ZMYM1: variants seen among roughly 807,000 people sequenced by gnomAD.
The protein encoded by ZMYM1 is zinc finger MYM-type containing 1, also known as zinc finger MYM-type protein 1.
Under a neutral mutation model 60.0 loss-of-function variants are expected in ZMYM1, and 39 were observed. The ratio of observed to expected loss-of-function variants is 0.65; its 90% CI spans 0.50 to 0.85. The LOEUF (loss-of-function observed/expected upper bound fraction) is 0.85, where lower values mean the gene tolerates loss of function less well. Ranked by LOEUF, ZMYM1 falls within the 40% of genes least tolerant of loss-of-function variation. ZMYM1 has a pLI of 0.00. For missense variants in ZMYM1, 1,171 were observed against 1,309.5 expected, an observed-to-expected ratio of 0.89 and a Z score of 1.63; for synonymous variants, 413 against 454.0, an observed-to-expected ratio of 0.91 and a Z score of 1.15.
chr1:35,088,454 A>ATGTGTGTGTG (rs764350525), intron 1 of ZMYM1, among the ~76,000 whole-genome samples: 2 of 107,282 alleles, frequency 1.9e-5, no homozygotes, highest in African/African-American at 8.5e-5. Flanking sequence ...ATATATATAT[A>ATGTGTGTGTG]TGTGTGTGTG....
chr1:35,090,790 T>C (rs1211986356), intron 1 of ZMYM1, among the ~76,000 whole-genome samples: 1 of 151,876 alleles, frequency 6.6e-6, no homozygotes, highest in Non-Finnish European at 1.5e-5. Context: ...CTACTAAAAA[T>C]ACAAAATTAG....
downstream of ZMYM1, among the ~76,000 whole-genome samples, chr1:35,118,665 C>T (rs1358895350): frequency 6.6e-6 from 1 of 152,046 alleles, no homozygotes; most frequent in Non-Finnish European, 1.5e-5. Flanking sequence ...CGGGATCGCA[C>T]CACAGCACTC....
chr1:35,112,443 G>T (rs1040844582), intron 9 of ZMYM1, among the ~76,000 whole-genome samples: 1 of 148,930 alleles, frequency 6.7e-6, no homozygotes, highest in African/African-American at 2.5e-5. Context: ...CTCCCAAAGT[G>T]CTGGGATTAC....
At chr1:35,116,543 C>T (rs1013569694), downstream of ZMYM1, among the ~76,000 whole-genome samples, 24 of 152,112 alleles carry the variant, frequency 1.6e-4, no homozygotes, top group African/African-American at 5.1e-4. Context: ...CTGCAACCTC[C>T]GCCTCCCAGG....
intron 9 of ZMYM1, among the ~76,000 whole-genome samples, 176 bp from the exon 10 acceptor site, chr1:35,112,801 A>T (rs753879765): frequency 6.6e-6 from 1 of 151,886 alleles, no homozygotes; most frequent in Non-Finnish European, 1.5e-5. Flanking sequence ...CAAACATTTA[A>T]TGCTGAATCT....
intron 6 of ZMYM1, 60 bp downstream of exon 6, chr1:35,104,829 GA>G: frequency 2.1e-6 from 3 of 1,417,994 alleles, no homozygotes; most frequent in Non-Finnish European, 2.9e-6. Context: ...TTCACTCTAG[GA>G]AAATGTGGGA....
intron 1 of ZMYM1, among the ~76,000 whole-genome samples, 181 bp downstream of exon 1, chr1:35,079,623 G>A (rs1483478294): frequency 6.6e-6 from 1 of 152,192 alleles, no homozygotes. Flanking sequence ...CCCTGACGTG[G>A]ATTGTGTTTG....
chr1:35,113,167 T>G lies in ZMYM1; in HGVS notation c.1337T>G (p.Val446Gly). 1 of 1,613,670 alleles carries G rather than the reference T, an allele frequency of 6.2e-7. No homozygotes were observed. Among genetic ancestry groups the G allele is most frequent in the Non-Finnish European group, 8.5e-7 (1 of 1,179,858 alleles). Residue 446 changes from valine (V) to glycine (G), a missense_variant, in exon 10 of 10, where the codon GTA becomes GGA. Physicochemically the swap from Val to Gly is moderately radical, Grantham distance 109. Transcript: ENST00000359858. ...TGTCACCCAAAATGTACATCCAAAG[T>G]ACAAAAAGTTAAAGGTAAATCACGA... ...ELCHPKCTSK[V>G]QKVKGKSRSI...
rs200039427 is a variant in ZMYM1 at position 35,112,581 on chromosome 1, A to AT, written c.1147-396_1147-395insT. ...ATTGTATATAATATAAATATATTATAATGTATATTTATTATATATTATATT... is the reference window on the plus strand; with the variant it reads ...ATTGTATATAATATAAATATATTATATATGTATATTTATTATATATTATATT... On this transcript the variant is annotated intron_variant, in intron 9 of 9. Coordinates refer to ENST00000359858, the MANE Select transcript of ZMYM1 (RefSeq NM_024772.5). 2.6e-4 allele frequency among the ~76,000 whole-genome samples: 9 copies of AT among 34,716 alleles called. No homozygotes were observed. In the South Asian group the frequency reaches 4.5e-3, roughly 18 times the overall value. The allele number at this position is 34,716 out of a possible 152,430, so 22.8% of individuals were successfully genotyped here.
chr1:35,088,969 G>A (rs1047625788), intron 1 of ZMYM1, among the ~76,000 whole-genome samples: 31 of 151,472 alleles, frequency 2.0e-4, no homozygotes, highest in African/African-American at 7.0e-4. Context: ...CCACCACCAC[G>A]CCCGGCTAAT....
intron 4 of ZMYM1, among the ~76,000 whole-genome samples, chr1:35,103,436 A>G (rs1557687764): frequency 1.3e-5 from 2 of 152,188 alleles, no homozygotes; most frequent in Non-Finnish European, 2.9e-5. Flanking sequence ...TTCCCTTAGC[A>G]TAATATTTTC....
intron 4 of ZMYM1, among the ~76,000 whole-genome samples, chr1:35,102,192 CGTTGTGGGT>C (rs1171110778): frequency 6.6e-6 from 1 of 150,950 alleles, no homozygotes; most frequent in Non-Finnish European, 1.5e-5. Context: ...CCTTTTAGAT[CGTTGTGGGT>C]GTTCTTTGAT....
intron 1 of ZMYM1, among the ~76,000 whole-genome samples, chr1:35,082,886 C>CAG (rs1343677881): frequency 6.6e-6 from 1 of 151,790 alleles, no homozygotes; most frequent in Non-Finnish European, 1.5e-5. Context: ...GAGGCTGAGG[C>CAG]AGGAGAATCA....
Position 35,110,402 on chromosome 1 carries a change from A to T in ZMYM1, c.916A>T (p.Asn306Tyr), listed in dbSNP as rs1232898164. The change falls in exon 7 of 10, where the codon AAT (asparagine) becomes TAT (tyrosine). Residue 306 changes from asparagine to tyrosine, a missense_variant. Asn to Tyr is a moderately radical substitution (Grantham distance 143). Coordinates refer to ENST00000359858, the MANE Select transcript of ZMYM1 (RefSeq NM_024772.5). ...GAAGACAGAGCTTTTCTGCTCTATTAATTGTTTCTCTGCATACAGTAAAGC... is the reference window on the plus strand; with the variant it reads ...GAAGACAGAGCTTTTCTGCTCTATTTATTGTTTCTCTGCATACAGTAAAGC... ...LGKTELFCSI[N>Y]CFSAYSKAKM... 6 of 1,582,232 alleles carry T rather than the reference A, an allele frequency of 3.8e-6. No individual in the cohort carries two copies. Among genetic ancestry groups the T allele is most frequent in the Non-Finnish European group, 4.3e-6 (5 of 1,166,056 alleles).
In ZMYM1 at chr1:35,080,764, C is replaced by A. The variant is rs377290809; in HGVS notation, c.-75+1322C>A. Among the ~76,000 whole-genome samples, 132 of 152,010 alleles carry A rather than the reference C, an allele frequency of 8.7e-4. 2 individuals carry two copies. The South Asian group carries it at 0.021, about 24-fold the overall frequency. On this transcript the variant is annotated intron_variant, in intron 1 of 9. Coordinates refer to ENST00000359858, the MANE Select transcript of ZMYM1 (RefSeq NM_024772.5). ...CTTCTCAGTACCTTGTATATACTTACTGGTTGGGACATCCTACTCATCAGT... is the reference window on the plus strand; with the variant it reads ...CTTCTCAGTACCTTGTATATACTTAATGGTTGGGACATCCTACTCATCAGT...
Position 35,061,820 on chromosome 1 carries a change from T to TTTTTTTTATTTATTTATTTATTTA in ZMYM1, c.-301+1898_-301+1899insTTTTATTTATTTATTTATTTATTT, listed in dbSNP as rs372684642. 2.6e-3 allele frequency among the ~76,000 whole-genome samples: 382 copies of TTTTTTTTATTTATTTATTTATTTA among 145,618 alleles called. 4 individuals are homozygous for TTTTTTTTATTTATTTATTTATTTA. Among genetic ancestry groups the TTTTTTTTATTTATTTATTTATTTA allele is most frequent in the South Asian group, 0.017 (80 of 4,658 alleles). The stretch of plus-strand genomic sequence containing the variant: ...TATAGACATCTTATTTCCCTTTTAT[T>TTTTTTTTATTTATTTATTTATTTA]TTTATTTATTTATTTATTTATTTAT... On this transcript the variant is annotated intron_variant, in intron 1 of 10. Coordinates refer to the ZMYM1 transcript ENST00000417119.
At chr1:35,079,381 G>C (rs13375885), upstream of ZMYM1, 1 of 151,102 alleles carries the variant, frequency 6.6e-6, no homozygotes, top group East Asian at 2.0e-4. Flanking sequence ...GGGGTCGGCG[G>C]GGCCGTTTCG....
At chr1:35,065,272 T>C (rs78789575) in intron 1 of ZMYM1, among the ~76,000 whole-genome samples, 157 of 150,350 alleles carry the variant, frequency 1.0e-3, no homozygotes, top group Middle Eastern at 3.4e-3. Flanking sequence ...TTATGACTGG[T>C]TCATTCCCGG....
chr1:35,104,352 C>T lies in ZMYM1; in HGVS notation c.477C>T (p.Cys159=), dbSNP rs564136395. Residue 159 remains cysteine, a synonymous_variant, in exon 5 of 10, where the codon TGC becomes TGT. Coordinates refer to ENST00000359858, the MANE Select transcript of ZMYM1 (RefSeq NM_024772.5). Reference sequence around the variant, plus strand: ...TCCAGCTGGAAGACACTACCTCTTGCAAAACTTTTTGCAGCCTATCTTGTC... The same window carrying T: ...TCCAGCTGGAAGACACTACCTCTTGTAAAACTTTTTGCAGCCTATCTTGTC... The part of the protein sequence containing the change: ...ISVQLEDTTS[C]KTFCSLSCLS... 2.5e-6 allele frequency: 4 copies of T among 1,611,996 alleles called. No homozygotes were observed. In the South Asian group the frequency reaches 3.3e-5, roughly 13 times the overall value.
Sources: allele counts gnomAD v4.1 joint callset (sites outside exome capture counted in the v4.1 genomes callset), GRCh38; gene constraint gnomAD v4.1.1; transcripts MANE v1.5; gene names NCBI Gene and HGNC (gene_info 2026-07-23, HGNC 2026-07-21).